The following AEBP2 variants were observed in gnomAD, a reference collection of about 807,000 sequenced individuals.
The protein encoded by AEBP2 is AE binding protein 2, also known as zinc finger protein AEBP2.
In AEBP2, 10 loss-of-function variants were observed where a neutral mutation model predicts 50.8. That is an observed-to-expected ratio of 0.20 (90% confidence interval 0.12 to 0.33). The LOEUF (loss-of-function observed/expected upper bound fraction) is 0.33. Ranked by LOEUF, AEBP2 falls within the 10% of genes least tolerant of loss-of-function variation. The probability of loss-of-function intolerance (pLI) is 1.00; values close to 1 mark genes in which losing one functional copy is unlikely to be tolerated. For synonymous variants in AEBP2, 296 were observed against 261.3 expected (o/e 1.13, Z -1.28); for missense variants, 570 against 688.0 (o/e 0.83, Z 1.92).
chr12:19,456,404 C>A, intron 1 of AEBP2: 1 of 1,379,308 alleles, frequency 7.3e-7, no homozygotes, highest in South Asian at 1.2e-5. Context: ...ACTCAACACA[C>A]ACGGGCTTGC....
chr12:19,439,646 G>A lies in AEBP2; in HGVS notation c.-54G>A. On this transcript the variant is annotated 5_prime_UTR_variant, in exon 1 of 8. Coordinates refer to ENST00000266508, the MANE Select transcript of AEBP2 (RefSeq NM_153207.5). Reference sequence around the variant, plus strand: ...GGAGGGGGGCGAGGGAGAGAGAGTCGAGAGAGGGAGGCGGCGGTGGGGAGG... The same window carrying A: ...GGAGGGGGGCGAGGGAGAGAGAGTCAAGAGAGGGAGGCGGCGGTGGGGAGG... 1.3e-6 allele frequency: 2 copies of A among 1,499,544 alleles called. No homozygotes were observed. Among genetic ancestry groups the A allele is most frequent in the South Asian group, 2.5e-5 (2 of 80,810 alleles). 92.9% of individuals were successfully genotyped at this position (1,499,544 alleles called of 1,614,324 possible). A position where few individuals can be genotyped will look rare whatever the true frequency, so the allele number is the denominator to read the frequency against.
In AEBP2 at chr12:19,473,259, CT is replaced by C; in HGVS notation, c.893del (p.Leu298TyrfsTer23). 1 of 1,473,108 alleles carries C rather than the reference CT, an allele frequency of 6.8e-7. No homozygotes were observed. Among genetic ancestry groups the C allele is most frequent in the South Asian group, 1.5e-5 (1 of 67,226 alleles). 91.3% of individuals were successfully genotyped at this position (1,473,108 alleles called of 1,614,324 possible). ...GTTTTTCTTAACAGGTATTTGTTTG[CT>C]TATGGAAAGGTTGTAAAGTATATAA... is the stretch of plus-strand genomic sequence containing the variant. ...DGQRGGVFVC[L>X]WKGCKVYNTP... On this transcript the variant is annotated frameshift_variant, in exon 3 of 8. Transcript: ENST00000266508. LOFTEE classifies it high-confidence loss of function.
intron 5 of AEBP2, among the ~76,000 whole-genome samples, chr12:19,505,377 G>A (rs1197018776): frequency 2.0e-5 from 3 of 152,146 alleles, no homozygotes; most frequent in Non-Finnish European, 4.4e-5. Context: ...CTGTGAGCCA[G>A]GTACTAATGT....
chr12:19,421,694 A>T (rs1006780535), intron 1 of AEBP2, among the ~76,000 whole-genome samples: 1 of 152,236 alleles, frequency 6.6e-6, no homozygotes, highest in Non-Finnish European at 1.5e-5. Flanking sequence ...ACCTTGTCAC[A>T]TAGCAGGGGG....
At chr12:19,509,197 G>A (rs574617170) in intron 5 of AEBP2, 158 of 390,902 alleles carry the variant, frequency 4.0e-4, no homozygotes, top group African/African-American at 3.1e-3. Context: ...TCCTTATTAA[G>A]GAGTAGAAAA....
At chr12:19,512,116 G>T (rs1449240385) in intron 5 of AEBP2, among the ~76,000 whole-genome samples, 1 of 152,042 alleles carries the variant, frequency 6.6e-6, no homozygotes, top group Non-Finnish European at 1.5e-5. Flanking sequence ...CCACCTCCTG[G>T]GTTCAAGTGA....
intron 2 of AEBP2, among the ~76,000 whole-genome samples, chr12:19,471,056 C>T (rs578172476): frequency 1.4e-5 from 2 of 147,274 alleles, no homozygotes; most frequent in Non-Finnish European, 3.1e-5. Flanking sequence ...TTTAAACCAA[C>T]CCCTGATTCC....
In AEBP2 at chr12:19,460,084, CT is replaced by C. The variant is rs1368151983; in HGVS notation, c.672-2425del. Among the ~76,000 whole-genome samples, 4 of 152,206 alleles carry C rather than the reference CT, an allele frequency of 2.6e-5. No individual in the cohort carries two copies. The East Asian group carries it at 5.8e-4, about 22-fold the overall frequency. On this transcript the variant is annotated intron_variant, in intron 1 of 7. Coordinates refer to ENST00000266508, the MANE Select transcript of AEBP2 (RefSeq NM_153207.5). Reference sequence around the variant, plus strand: ...TTTAGTTGGCCATAGTGGTGCACACCTGTAGGCCCGGCTACTCAGGAGGCTG... The same window carrying C: ...TTTAGTTGGCCATAGTGGTGCACACCGTAGGCCCGGCTACTCAGGAGGCTG...
At chr12:19,435,077 ATAATC>A (rs2095753481), upstream of AEBP2, among the ~76,000 whole-genome samples, 2 of 152,118 alleles carry the variant, frequency 1.3e-5, no homozygotes, top group African/African-American at 2.4e-5. Flanking sequence ...GATGTACAAT[ATAATC>A]TAATCATATC....
chr12:19,486,842 G>A (rs533344747), intron 3 of AEBP2, among the ~76,000 whole-genome samples: 1 of 151,632 alleles, frequency 6.6e-6, no homozygotes, highest in Non-Finnish European at 1.5e-5. Context: ...TGTAACCCAG[G>A]CTGGAGTGCA....
chr12:19,467,570 A>C (rs1041311834), intron 2 of AEBP2, among the ~76,000 whole-genome samples: 7 of 152,204 alleles, frequency 4.6e-5, no homozygotes, highest in African/African-American at 1.7e-4. Context: ...CTGGGATTAC[A>C]GGCCTGAGCC....
chr12:19,409,986 A>G (rs897674803), intron 1 of AEBP2, among the ~76,000 whole-genome samples: 1 of 152,188 alleles, frequency 6.6e-6, no homozygotes, highest in African/African-American at 2.4e-5. Flanking sequence ...CTGGTAGCTA[A>G]AAATGCTCCA....
intron 3 of AEBP2, among the ~76,000 whole-genome samples, chr12:19,477,264 AT>A (rs1948662482): frequency 6.6e-6 from 1 of 152,068 alleles, no homozygotes. Context: ...CGACAGTTTT[AT>A]TTCCTCTTAC....
At chr12:19,508,165 G>C (rs1273575412) in intron 5 of AEBP2, among the ~76,000 whole-genome samples, 1 of 152,114 alleles carries the variant, frequency 6.6e-6, no homozygotes, top group Non-Finnish European at 1.5e-5. Context: ...TTGTTGCCAA[G>C]TCTAGAATCA....
chr12:19,475,876 A>AT (rs1263152897), intron 3 of AEBP2, among the ~76,000 whole-genome samples: 1 of 151,878 alleles, frequency 6.6e-6, no homozygotes, highest in Non-Finnish European at 1.5e-5. Context: ...GATTATTATT[A>AT]TTTTTTTCTT....
At chr12:19,471,800 G>A (rs978795943) in intron 2 of AEBP2, among the ~76,000 whole-genome samples, 4 of 152,114 alleles carry the variant, frequency 2.6e-5, no homozygotes, top group Non-Finnish European at 4.4e-5. Flanking sequence ...CAAAGTGCTG[G>A]AATTGCTGGT....
chr12:19,436,082 G>T (rs1375506216), upstream of AEBP2, among the ~76,000 whole-genome samples: 4 of 152,132 alleles, frequency 2.6e-5, no homozygotes, highest in Non-Finnish European at 4.4e-5. Context: ...CTCCTTGCTG[G>T]TAAAAGGATG....
chr12:19,451,064 A>C (rs1205548151), intron 1 of AEBP2, among the ~76,000 whole-genome samples: 1 of 152,188 alleles, frequency 6.6e-6, no homozygotes, highest in East Asian at 1.9e-4. Context: ...AAAGGATACG[A>C]ATAACAGTTT....
At chr12:19,429,912 C>T (rs1287839994) in intron 1 of AEBP2, among the ~76,000 whole-genome samples, 2 of 151,698 alleles carry the variant, frequency 1.3e-5, no homozygotes, top group South Asian at 2.1e-4. Context: ...AAAATTTTCT[C>T]CCATTCTGTA....
Sources: gnomAD v4.1 joint callset for allele counts (sites outside exome capture counted in the v4.1 genomes callset) on GRCh38, gnomAD v4.1.1 for gene constraint, MANE v1.5 for transcripts, NCBI Gene and HGNC (gene_info 2026-07-23, HGNC 2026-07-21) for gene names.